The following WWOX variants were observed in gnomAD, a reference collection of about 807,000 sequenced individuals.
WWOX encodes WW domain containing oxidoreductase, also known as WW domain-containing oxidoreductase.
Under a neutral mutation model 46.2 loss-of-function variants are expected in WWOX, and 69 were observed. That is an observed-to-expected ratio of 1.49 (90% confidence interval 1.23 to 1.82). The LOEUF (loss-of-function observed/expected upper bound fraction) is 1.82, where lower values mean the gene tolerates loss of function less well. WWOX is among the 40% of genes most tolerant of loss of function. The probability of loss-of-function intolerance (pLI) is 0.00; values close to 1 mark genes in which losing one functional copy is unlikely to be tolerated. For synonymous variants in WWOX, 359 were observed against 202.6 expected (o/e 1.77, Z -6.56); for missense variants, 919 against 542.6 (o/e 1.69, Z -6.89).
At chr16:78,394,719 C>T (rs1051688354) in intron 6 of WWOX, among the ~76,000 whole-genome samples, 2 of 152,058 alleles carry the variant, frequency 1.3e-5, no homozygotes, top group African/African-American at 4.8e-5. Context: ...TGAAAGCAGC[C>T]ATAGATAGTA....
At chr16:78,236,485 C>T (rs913696862) in intron 5 of WWOX, among the ~76,000 whole-genome samples, 4 of 152,168 alleles carry the variant, frequency 2.6e-5, no homozygotes, top group Non-Finnish European at 4.4e-5. Flanking sequence ...ATGTCAGGGA[C>T]ACCTTTCACG....
chr16:79,006,533 C>G (rs966233515), intron 8 of WWOX, among the ~76,000 whole-genome samples: 8 of 151,866 alleles, frequency 5.3e-5, no homozygotes, highest in Admixed American at 5.2e-4. Context: ...CATTTTCCAT[C>G]CAACAGACAT....
intron 8 of WWOX, among the ~76,000 whole-genome samples, chr16:78,784,418 G>C (rs1342595159): frequency 6.6e-6 from 1 of 151,804 alleles, no homozygotes; most frequent in African/African-American, 2.4e-5. Flanking sequence ...CTCCACCCAG[G>C]AGCCCTTAGG....
At chr16:78,662,690 G>A (rs72794738) in intron 8 of WWOX, among the ~76,000 whole-genome samples, 2 of 152,210 alleles carry the variant, frequency 1.3e-5, no homozygotes. Context: ...GCCTGGTTCA[G>A]CATCTCTTGC....
chr16:79,062,211 C>T (rs1053899899), intron 8 of WWOX, among the ~76,000 whole-genome samples: 3 of 152,136 alleles, frequency 2.0e-5, no homozygotes, highest in African/African-American at 4.8e-5. Context: ...GAGGAAGAAG[C>T]GTAAGTGTAT....
At chr16:78,682,105 A>G (rs148946931) in intron 8 of WWOX, among the ~76,000 whole-genome samples, 1,992 of 152,342 alleles carry the variant, frequency 0.013, 23 homozygotes, top group Non-Finnish European at 0.019. Flanking sequence ...AGCTGGTGAC[A>G]TTGTAGACAC....
rs913967403 is a variant in WWOX at position 78,588,241 on chromosome 16, C to G, written c.1056+155489C>G. Among the ~76,000 whole-genome samples, 11 of 152,348 alleles carry G rather than the reference C, an allele frequency of 7.2e-5. No homozygotes were observed. In the South Asian group the frequency reaches 1.7e-3, roughly 23 times the overall value. On this transcript the variant is annotated intron_variant, in intron 8 of 8. Transcript: ENST00000566780. ...CTCTGTAGATGACAATAGCCTCAAA[C>G]TTGAACAGGTTCTTGCAGTTGGCAA...
At chr16:78,105,884 C>G (rs775297164) in intron 1 of WWOX, among the ~76,000 whole-genome samples, 5 of 152,192 alleles carry the variant, frequency 3.3e-5, no homozygotes, top group African/African-American at 4.8e-5. Flanking sequence ...TCACTGCAAC[C>G]TCCACCTCCC....
intron 6 of WWOX, among the ~76,000 whole-genome samples, chr16:78,408,995 G>A (rs2082611711): frequency 1.3e-5 from 2 of 152,148 alleles, no homozygotes; most frequent in Non-Finnish European, 2.9e-5. Flanking sequence ...TGTAGCTCAA[G>A]CATCTTACCT....
At chr16:78,232,722 T>C (rs1447335951) in intron 5 of WWOX, among the ~76,000 whole-genome samples, 2 of 152,240 alleles carry the variant, frequency 1.3e-5, no homozygotes, top group Non-Finnish European at 2.9e-5. Flanking sequence ...GAAGATCAAA[T>C]GGGATCTGTA....
chr16:78,697,937 A>G (rs1396877720), intron 8 of WWOX, among the ~76,000 whole-genome samples: 6 of 152,186 alleles, frequency 3.9e-5, no homozygotes, highest in Non-Finnish European at 7.3e-5. Context: ...ACCTGTAAGC[A>G]AGAATCACTC....
Position 78,629,234 on chromosome 16 carries a change from A to ATT in WWOX, c.1056+196485_1056+196486dup, listed in dbSNP as rs113735206. On this transcript the variant is annotated intron_variant, in intron 8 of 8. Transcript: ENST00000566780. ...AACAGGAAGACTTTTTCTCTTGGGTATTTTATTTTTTTTTCCTCTGCAAGG... is the reference window on the plus strand; with the variant it reads ...AACAGGAAGACTTTTTCTCTTGGGTATTTTTTATTTTTTTTTCCTCTGCAAGG... Among the ~76,000 whole-genome samples, 97 of 148,526 alleles carry ATT rather than the reference A, an allele frequency of 6.5e-4. 1 individual carries two copies. Among genetic ancestry groups the ATT allele is most frequent in the East Asian group, 3.4e-3 (17 of 5,016 alleles).
intron 8 of WWOX, among the ~76,000 whole-genome samples, chr16:78,573,873 A>G (rs897943640): frequency 2.6e-5 from 4 of 152,180 alleles, no homozygotes; most frequent in Admixed American, 6.5e-5. Flanking sequence ...AACAGCACAC[A>G]TTTATTATTT....
intron 5 of WWOX, among the ~76,000 whole-genome samples, chr16:78,368,874 T>G (rs1029172152): frequency 6.6e-6 from 1 of 152,208 alleles, no homozygotes; most frequent in Non-Finnish European, 1.5e-5. Context: ...GCTGCACGTG[T>G]GCACTGACAG....
chr16:78,490,716 G>A (rs531683960), intron 8 of WWOX, among the ~76,000 whole-genome samples: 15 of 152,276 alleles, frequency 9.9e-5, no homozygotes, highest in African/African-American at 3.4e-4. Flanking sequence ...GCAGCAAACT[G>A]CATTGACTCC....
intron 8 of WWOX, chr16:78,996,105 C>A: frequency 3.0e-6 from 2 of 667,386 alleles, no homozygotes; most frequent in Non-Finnish European, 3.7e-6. Context: ...CAGAACGTGG[C>A]CCCTTCCATG....
chr16:78,476,647 T>A (rs2084355415), intron 8 of WWOX, among the ~76,000 whole-genome samples: 1 of 152,006 alleles, frequency 6.6e-6, no homozygotes, highest in Non-Finnish European at 1.5e-5. Context: ...GAGCATCGAC[T>A]TTCGTTTTCA....
chr16:78,486,991 G>A (rs566827802), intron 8 of WWOX, among the ~76,000 whole-genome samples: 93 of 152,316 alleles, frequency 6.1e-4, no homozygotes, highest in Admixed American at 2.6e-3. Context: ...GTGATGAGCT[G>A]CTTCGCATCC....
At chr16:78,352,831 G>T (rs1316369390) in intron 5 of WWOX, among the ~76,000 whole-genome samples, 1 of 152,152 alleles carries the variant, frequency 6.6e-6, no homozygotes, top group Non-Finnish European at 1.5e-5. Context: ...GTATAGCAGA[G>T]TTAGATAGAT....
Sources: gnomAD v4.1 joint callset for allele counts (sites outside exome capture counted in the v4.1 genomes callset) on GRCh38, gnomAD v4.1.1 for gene constraint, MANE v1.5 for transcripts, NCBI Gene and HGNC (gene_info 2026-07-23, HGNC 2026-07-21) for gene names.